CYP4X1: variants seen among roughly 807,000 people sequenced by gnomAD.
CYP4X1 encodes cytochrome P450 family 4 subfamily X member 1.
In CYP4X1, 44 loss-of-function variants were observed where a neutral mutation model predicts 57.9. The ratio of observed to expected loss-of-function variants is 0.76; its 90% confidence interval spans 0.60 to 0.98. CYP4X1 has a LOEUF of 0.98. CYP4X1 is among the 50% of genes least tolerant of loss of function. CYP4X1 has a pLI of 0.00. For synonymous variants in CYP4X1, 227 were observed against 228.6 expected (o/e 0.99, Z 0.06); for missense variants, 532 against 623.9 (o/e 0.85, Z 1.57).
the CYP4X1 span, among the ~76,000 whole-genome samples, chr1:46,985,101 A>G: frequency 6.6e-6 from 1 of 152,188 alleles, no homozygotes; most frequent in Non-Finnish European, 1.5e-5. Flanking sequence ...GGAAGTTCCA[A>G]CTGGGCAGAG....
the CYP4X1 span, among the ~76,000 whole-genome samples, chr1:46,968,446 C>G: frequency 6.6e-6 from 1 of 152,160 alleles, no homozygotes; most frequent in South Asian, 2.1e-4. Flanking sequence ...TTGCCTCGCC[C>G]ACCTCTTACC....
the CYP4X1 span, among the ~76,000 whole-genome samples, chr1:46,972,881 G>C: frequency 6.6e-6 from 1 of 152,094 alleles, no homozygotes; most frequent in Non-Finnish European, 1.5e-5. Context: ...TCTGTGAAGA[G>C]AGATAGCTTG....
the CYP4X1 span, among the ~76,000 whole-genome samples, chr1:47,002,262 C>G: frequency 6.6e-6 from 1 of 152,210 alleles, no homozygotes; most frequent in Non-Finnish European, 1.5e-5. Flanking sequence ...ACTTGACCCA[C>G]AGAGGTAGGC....
chr1:47,017,369 A>C, the CYP4X1 span, among the ~76,000 whole-genome samples: 1 of 152,184 alleles, frequency 6.6e-6, no homozygotes, highest in Non-Finnish European at 1.5e-5. Context: ...CCAAGGCTTT[A>C]ATTGTTCATG....
At chr1:47,015,319 C>T in the CYP4X1 span, among the ~76,000 whole-genome samples, 7 of 152,252 alleles carry the variant, frequency 4.6e-5, no homozygotes, top group East Asian at 1.9e-4. Context: ...TGGCCTTTTG[C>T]ATGGAACTTA....
chr1:47,033,544 GATA>G (rs1419289031), intron 4 of CYP4X1, among the ~76,000 whole-genome samples, 176 bp downstream of exon 4: 5 of 152,180 alleles, frequency 3.3e-5, no homozygotes, highest in African/African-American at 9.7e-5. Flanking sequence ...TTCTTTGAGT[GATA>G]ATATTAATAA....
chr1:47,053,228 C>A (rs1469772203), downstream of CYP4X1, among the ~76,000 whole-genome samples: 1 of 152,116 alleles, frequency 6.6e-6, no homozygotes. Flanking sequence ...TCATCCATGT[C>A]CCTACAAAGG....
the CYP4X1 span, among the ~76,000 whole-genome samples, chr1:47,002,660 T>G: frequency 6.6e-6 from 1 of 152,160 alleles, no homozygotes; most frequent in Non-Finnish European, 1.5e-5. Context: ...CATTTTGGAG[T>G]GTATGTGTCC....
chr1:46,979,303 G>A, the CYP4X1 span, among the ~76,000 whole-genome samples: 1 of 152,138 alleles, frequency 6.6e-6, no homozygotes, highest in Non-Finnish European at 1.5e-5. Flanking sequence ...TATCACCGCT[G>A]ATCCCACAGA....
the CYP4X1 span, among the ~76,000 whole-genome samples, chr1:46,987,720 A>G: frequency 2.6e-5 from 4 of 152,216 alleles, no homozygotes. Context: ...AGACCTCAGG[A>G]TTAAGAATCT....
chr1:47,049,978 TTTCTTTCCCTCTTGTCTTCAGGAA>T lies in CYP4X1; in HGVS notation c.1356-21_1358del. The T allele has an allele frequency of 1.2e-6, 2 of 1,608,050 alleles. No individual in the cohort carries two copies. Among genetic ancestry groups the T allele is most frequent in the Non-Finnish European group, 1.7e-6 (2 of 1,177,102 alleles). On this transcript the variant is annotated splice_acceptor_variant and splice_polypyrimidine_tract_variant and coding_sequence_variant and intron_variant, in exon 12 of 12. Transcript: ENST00000371901. LOFTEE classifies it high-confidence loss of function. The stretch of plus-strand genomic sequence containing the variant: ...GAAACATCATTTTTTCAAGTATCAC[TTTCTTTCCCTCTTGTCTTCAGGAA>T]CTGCATTGGGCAGGAGTTTGCCATG...
chr1:47,048,732 C>A (rs1226651817), intron 10 of CYP4X1, 103 bp downstream of exon 10: 4 of 1,124,326 alleles, frequency 3.6e-6, no homozygotes, highest in African/African-American at 1.6e-5. Context: ...AGGGAAATGA[C>A]ACAAATTAAA....
At chr1:47,023,535 C>CCCG, upstream of CYP4X1, 1 of 1,183,370 alleles carries the variant, frequency 8.5e-7, no homozygotes. Flanking sequence ...TGACTGAAAA[C>CCCG]TGTTGGACTT....
chr1:47,010,245 G>C, the CYP4X1 span, among the ~76,000 whole-genome samples: 36 of 152,262 alleles, frequency 2.4e-4, no homozygotes, highest in African/African-American at 8.2e-4. Context: ...TGGTATGCAA[G>C]GCTGGTTCAA....
intron 8 of CYP4X1, among the ~76,000 whole-genome samples, chr1:47,042,334 G>T: frequency 6.6e-6 from 1 of 150,802 alleles, no homozygotes. Flanking sequence ...GAATTTTGAT[G>T]GAGATTGCAT....
the CYP4X1 span, among the ~76,000 whole-genome samples, chr1:47,017,205 T>G: frequency 6.6e-6 from 1 of 152,216 alleles, no homozygotes; most frequent in Non-Finnish European, 1.5e-5. Context: ...TTCCTTTCTT[T>G]GTGGTATATA....
the CYP4X1 span, among the ~76,000 whole-genome samples, chr1:46,990,541 G>C: frequency 8.5e-5 from 13 of 152,116 alleles, no homozygotes; most frequent in Admixed American, 2.6e-4. Context: ...CCAGCAATCC[G>C]ATTACTGGGT....
upstream of CYP4X1, among the ~76,000 whole-genome samples, chr1:47,019,858 T>C (rs1643978436): frequency 6.6e-6 from 1 of 152,248 alleles, no homozygotes; most frequent in Non-Finnish European, 1.5e-5. Context: ...AAGAAATAAC[T>C]GAGTACATAT....
the CYP4X1 span, among the ~76,000 whole-genome samples, chr1:46,966,979 A>C: frequency 6.6e-6 from 1 of 152,216 alleles, no homozygotes; most frequent in Non-Finnish European, 1.5e-5. Flanking sequence ...ATAGATGCCA[A>C]ATTGACAAGG....
Sources: allele counts gnomAD v4.1 joint callset (sites outside exome capture counted in the v4.1 genomes callset), GRCh38; gene constraint gnomAD v4.1.1; transcripts MANE v1.5; gene names NCBI Gene and HGNC (gene_info 2026-07-23, HGNC 2026-07-21).